The following SACS variants were observed in gnomAD, a reference collection of about 807,000 sequenced individuals.
SACS encodes sacsin molecular chaperone, also known as sacsin.
Under a neutral mutation model 348.0 loss-of-function variants are expected in SACS, and 197 were observed. The observed-to-expected ratio is 0.57, with a 90% CI of 0.50 to 0.64. The LOEUF (loss-of-function observed/expected upper bound fraction) is 0.64. Among genes scored for constraint, SACS ranks in the 30% least tolerant of loss-of-function variants. SACS has a pLI of 0.00. For missense variants in SACS, 4,999 were observed against 5,360.8 expected (o/e 0.93, Z 2.11); for synonymous variants, 1,985 against 1,910.6 (o/e 1.04, Z -1.02).
intron 6 of SACS, among the ~76,000 whole-genome samples, chr13:23,362,103 A>G (rs7350677): frequency 0.025 from 3,821 of 152,348 alleles, 70 homozygotes; most frequent in Middle Eastern, 0.065. Flanking sequence ...GTTGATTATC[A>G]GAGAAAATCA....
intron 9 of SACS, among the ~76,000 whole-genome samples, chr13:23,346,173 T>C (rs1194884935): frequency 6.6e-6 from 1 of 152,190 alleles, no homozygotes. Context: ...TGAGACAGAG[T>C]CCCGCTCTGT....
intron 2 of SACS, among the ~76,000 whole-genome samples, chr13:23,404,465 C>T (rs1308984899): frequency 3.3e-5 from 5 of 152,144 alleles, no homozygotes; most frequent in African/African-American, 9.7e-5. Flanking sequence ...CAGCCAATAT[C>T]ATACTGAATG....
Position 23,339,563 on chromosome 13 carries a change from C to A in SACS, c.4313G>T (p.Cys1438Phe). ...MKTAEWLKVP[C>F]LSTRLINPEN... ...AGGATTTATCAGTCTTGTACTAAGG[C>A]ATGGAACTTTTAGCCATTCTGCAGT... is the stretch of plus-strand genomic sequence containing the variant. The change falls in exon 10 of 10, where the codon TGC becomes TTC. Residue 1438 changes from cysteine to phenylalanine, a missense_variant. Coordinates refer to ENST00000382292, the MANE Select transcript of SACS (RefSeq NM_014363.6). 6.2e-7 allele frequency: 1 copy of A among 1,612,932 alleles called. No individual in the cohort carries two copies. The highest frequency in any genetic ancestry group is 8.5e-7 in the Non-Finnish European group (1 of 1,179,012).
At chr13:23,373,254 A>G (rs1030861620) in intron 3 of SACS, among the ~76,000 whole-genome samples, 1 of 152,204 alleles carries the variant, frequency 6.6e-6, no homozygotes, top group Non-Finnish European at 1.5e-5. Flanking sequence ...AAGTCTGCCT[A>G]AAGTCCTCAA....
intron 2 of SACS, among the ~76,000 whole-genome samples, chr13:23,410,265 A>T (rs1046173062): frequency 1.3e-5 from 2 of 152,222 alleles, no homozygotes; most frequent in African/African-American, 4.8e-5. Flanking sequence ...AAACAATGAA[A>T]TATTTCAATC....
chr13:23,356,583 T>C (rs1226153828), intron 7 of SACS, among the ~76,000 whole-genome samples: 3 of 152,220 alleles, frequency 2.0e-5, no homozygotes. Context: ...AAGATACCCA[T>C]CTTTTGTATA....
chr13:23,346,207 G>A (rs979222500), intron 9 of SACS, among the ~76,000 whole-genome samples: 5 of 152,254 alleles, frequency 3.3e-5, no homozygotes, highest in South Asian at 2.1e-4. Flanking sequence ...GCTCAGTGGC[G>A]CGGTCTCAGT....
Position 23,339,503 on chromosome 13 carries a change from T to C in SACS, c.4373A>G (p.Glu1458Gly). Residue 1458 changes from glutamate (E) to glycine (G), a missense_variant, in exon 10 of 10, where the codon GAG (glutamate) becomes GGG (glycine). Coordinates refer to ENST00000382292, the MANE Select transcript of SACS (RefSeq NM_014363.6). ...ATTTTTAATTCTTACAGTAAGTGGC[T>C]CTCTTTGTCCTGACTGCTCAAATCC... ...NMGFEQSGQR[E>G]PLTVRIKNIL... The C allele has an allele frequency of 6.2e-7, 1 of 1,610,380 alleles. No homozygotes were observed. Among genetic ancestry groups the C allele is most frequent in the Non-Finnish European group, 8.5e-7 (1 of 1,177,718 alleles).
chr13:23,347,516 T>C (rs1177737602), intron 9 of SACS, among the ~76,000 whole-genome samples: 4 of 152,092 alleles, frequency 2.6e-5, no homozygotes. Context: ...CCAAAGAAAC[T>C]CAATTCTTCT....
intron 1 of SACS, among the ~76,000 whole-genome samples, chr13:23,420,023 T>TC (rs1873858843): frequency 6.6e-6 from 1 of 152,002 alleles, no homozygotes; most frequent in Non-Finnish European, 1.5e-5. Context: ...TAGGTATCCA[T>TC]TTGGGTCCTG....
In SACS at chr13:23,340,490, T is replaced by G; in HGVS notation, c.3386A>C (p.Lys1129Thr). 1 of 1,612,078 alleles carries G rather than the reference T, an allele frequency of 6.2e-7. No individual in the cohort carries two copies. The highest frequency in any genetic ancestry group is 8.5e-7 in the Non-Finnish European group (1 of 1,179,314). Residue 1129 changes from lysine (K) to threonine (T), a missense_variant, in exon 10 of 10, where the codon AAA becomes ACA. By Grantham distance (78) the Lys-to-Thr change is moderately conservative. Coordinates refer to ENST00000382292, the MANE Select transcript of SACS (RefSeq NM_014363.6). ...CTTATTTAAAACCAGTAAGAGGGTT[T>G]TGGCTTTCTTCAGAAGAACATCTTG... is the stretch of plus-strand genomic sequence containing the variant. ...PDQDVLLKKA[K>T]TLLLVLNKNH...
rs113616605 is a variant in SACS at position 23,364,425 on chromosome 13, C to T, written c.457+741G>A. Among the ~76,000 whole-genome samples the T allele has an allele frequency of 2.0e-3, 298 of 146,602 alleles. 3 individuals are homozygous for T. Among genetic ancestry groups the T allele is most frequent in the Admixed American group, 2.6e-3 (39 of 14,720 alleles). On this transcript the variant is annotated intron_variant, in intron 6 of 9. Transcript: ENST00000382292. The stretch of plus-strand genomic sequence containing the variant: ...CCTCCTGAGTAGCTGGGATTACAGG[C>T]GTCTGCCACCACGCCCAGCTAATTT...
intron 2 of SACS, among the ~76,000 whole-genome samples, chr13:23,392,928 A>G (rs1872583753): frequency 6.6e-6 from 1 of 152,196 alleles, no homozygotes; most frequent in African/African-American, 2.4e-5. Flanking sequence ...AATACTGGGC[A>G]GGACTGAGTT....
intron 1 of SACS, among the ~76,000 whole-genome samples, chr13:23,423,240 T>C (rs1874027448): frequency 6.6e-6 from 1 of 152,174 alleles, no homozygotes; most frequent in East Asian, 1.9e-4. Context: ...TATATGAATA[T>C]ACGAATATCC....
chr13:23,341,754 C>A, intron 9 of SACS, 64 bp from the exon 10 acceptor site: 4 of 961,300 alleles, frequency 4.2e-6, no homozygotes, highest in Non-Finnish European at 4.9e-6. Flanking sequence ...TTTCTATTCT[C>A]ACAAATAACA....
intron 1 of SACS, among the ~76,000 whole-genome samples, chr13:23,421,819 G>A (rs4770445): frequency 0.078 from 11,929 of 152,034 alleles, 646 homozygotes; most frequent in East Asian, 0.22. Context: ...CCTGGGGCCT[G>A]TAGTCTACCT....
chr13:23,429,082 TATG>T (rs1208723789), intron 1 of SACS, among the ~76,000 whole-genome samples: 2 of 152,098 alleles, frequency 1.3e-5, no homozygotes, highest in Non-Finnish European at 2.9e-5. Flanking sequence ...TAATATCACA[TATG>T]AGTGAATTGT....
Position 23,411,612 on chromosome 13 carries a change from G to A in SACS, c.-373C>T, listed in dbSNP as rs1363796309. 3 of 207,142 alleles carry A rather than the reference G, an allele frequency of 1.4e-5. No individual in the cohort carries two copies. The highest frequency in any genetic ancestry group is 9.4e-6 in the Non-Finnish European group (1 of 105,886). The allele number at this position is 207,142 out of a possible 1,614,324, so 12.8% of individuals were successfully genotyped here. A position where few individuals can be genotyped will look rare whatever the true frequency, so the allele number is the denominator to read the frequency against. On this transcript the variant is annotated 5_prime_UTR_variant, in exon 2 of 10. It introduces an in-frame stop codon into an upstream open reading frame of the 5' UTR. Coordinates refer to ENST00000382292, the MANE Select transcript of SACS (RefSeq NM_014363.6). ...TCTGTATTTCTTTTTGAAGGTTCTT[G>A]GGGAAAACGTCGCAGAAATTCTTGG...
chr13:23,377,077 A>G (rs947334883), intron 2 of SACS, among the ~76,000 whole-genome samples: 2 of 152,192 alleles, frequency 1.3e-5, no homozygotes, highest in African/African-American at 4.8e-5. Flanking sequence ...CATTTATATG[A>G]CACGTCCAGA....
Sources: allele counts gnomAD v4.1 joint callset (sites outside exome capture counted in the v4.1 genomes callset), GRCh38; gene constraint gnomAD v4.1.1; transcripts MANE v1.5; gene names NCBI Gene and HGNC (gene_info 2026-07-23, HGNC 2026-07-21).